The following NBPF19 variants were observed in gnomAD, a reference collection of about 807,000 sequenced individuals.
NBPF19 encodes NBPF family member NBPF19.
A neutral mutation model predicts 45.9 loss-of-function variants in NBPF19; 30 were observed. That is an observed-to-expected ratio of 0.65 (90% CI 0.49 to 0.89). NBPF19 has a LOEUF of 0.89. Among genes scored for constraint, NBPF19 ranks in the 40% least tolerant of loss-of-function variants. The pLI is 0.00. For missense variants in NBPF19, 495 were observed against 471.8 expected (o/e 1.05, Z -0.46); for synonymous variants, 183 against 181.2 (o/e 1.01, Z -0.08).
intron 8 of NBPF19, among the ~76,000 whole-genome samples, 169 bp downstream of exon 8, chr1:149,486,462 C>T (rs2085504793): frequency 6.7e-6 from 1 of 149,806 alleles, no homozygotes; most frequent in African/African-American, 2.5e-5. Context: ...GAAGCACAGG[C>T]ATGGGGTGGG....
In NBPF19 at chr1:149,487,324, A is replaced by C. The variant is rs2085594785; in HGVS notation, c.989-8A>C. ...AATGTAAGAGGGCCCATCTGAATTT[A>C]TTTGCAGGACATCGCTGGGATCAAG... On this transcript the variant is annotated splice_region_variant and splice_polypyrimidine_tract_variant and intron_variant, in intron 8 of 93. Transcript: ENST00000651566. The C allele has an allele frequency of 6.4e-7, 1 of 1,563,244 alleles. No homozygotes were observed. Among genetic ancestry groups the C allele is most frequent in the Non-Finnish European group, 8.7e-7 (1 of 1,146,794 alleles).
chr1:149,554,597 A>T lies in NBPF19; in HGVS notation c.11391A>T (p.Ser3797=), dbSNP rs1261229397. Residue 3797 remains serine, a synonymous_variant, in exon 94 of 94, where the codon TCA becomes TCT. Transcript: ENST00000651566. The part of the protein sequence containing the change: ...TPSMYFELPD[S]FQHYRSVFYS... ...CAATGTACTTTGAACTACCTGACTCATTCCAGCACTACAGAAGTGTGTTTT... is the reference window on the plus strand; with the variant it reads ...CAATGTACTTTGAACTACCTGACTCTTTCCAGCACTACAGAAGTGTGTTTT... The T allele has an allele frequency of 8.7e-6, 14 of 1,608,180 alleles. 1 individual carries two copies. Among genetic ancestry groups the T allele is most frequent in the Middle Eastern group, 2.2e-4 (1 of 4,450 alleles).
At chr1:149,487,281 G>A (rs1158123238) in intron 8 of NBPF19, 51 bp from the exon 9 acceptor site, 4 of 1,331,994 alleles carry the variant, frequency 3.0e-6, no homozygotes, top group African/African-American at 1.5e-5. Flanking sequence ...GAATGTTTCT[G>A]TGTGCAAGGA....
Position 149,491,164 on chromosome 1 carries a change from G to C in NBPF19, c.1516G>C (p.Val506Leu). Reference sequence around the variant, plus strand: ...GCTCAGCAGGGAGCTGGTGGAGGTAGTAGAGCCTGAAGTCTTGCAGGACTC... The same window carrying C: ...GCTCAGCAGGGAGCTGGTGGAGGTACTAGAGCCTGAAGTCTTGCAGGACTC... Reference protein sequence around the residue: ...PRLSRELVEVVEPEVLQDSLD... With the variant: ...PRLSRELVEVLEPEVLQDSLD... Residue 506 changes from valine to leucine, a missense_variant, in exon 14 of 94, where the codon GTA becomes CTA. Transcript: ENST00000651566. The C allele has an allele frequency of 3.6e-6, 1 of 281,192 alleles. No individual in the cohort carries two copies. Among genetic ancestry groups the C allele is most frequent in the South Asian group, 2.5e-5 (1 of 39,694 alleles). The allele number at this position is 281,192 out of a possible 1,614,324, so 17.4% of individuals were successfully genotyped here. A position where few individuals can be genotyped will look rare whatever the true frequency, so the allele number is the denominator to read the frequency against.
In NBPF19 at chr1:149,555,663, A is replaced by T. The variant is rs1386769827; in HGVS notation, c.*925A>T. ...AAAGATAATGTAGCTGCATTTCTTT[A>T]GTTATTTTGAACCCCAAATATTTCC... On this transcript the variant is annotated 3_prime_UTR_variant, in exon 94 of 94. Transcript: ENST00000651566. The T allele has an allele frequency of 9.3e-5, 14 of 150,516 alleles. No homozygotes were observed. Among genetic ancestry groups the T allele is most frequent in the Non-Finnish European group, 2.1e-4 (14 of 67,308 alleles). 9.3% of individuals were successfully genotyped at this position (150,516 alleles called of 1,614,324 possible).
intron 6 of NBPF19, among the ~76,000 whole-genome samples, chr1:149,481,481 T>TTA (rs1553709577): frequency 2.1e-3 from 287 of 134,966 alleles, no homozygotes; most frequent in African/African-American, 7.7e-3. Context: ...GGATTTTTTT[T>TTA]TTTTTTTTTT....
Position 149,487,429 on chromosome 1 carries a change from G to C in NBPF19, c.1040+46G>C, listed in dbSNP as rs1422476318. The stretch of plus-strand genomic sequence containing the variant: ...ACAGTTAATTTGATGTTGACACCTG[G>C]AGATGCCAAGTCCAGGGAAAACAGT... On this transcript the variant is annotated intron_variant, in intron 9 of 93. Transcript: ENST00000651566. 3.5e-5 allele frequency: 34 copies of C among 977,914 alleles called. 1 individual carries two copies. In the Admixed American group the frequency reaches 3.7e-4, roughly 11 times the overall value. The allele number at this position is 977,914 out of a possible 1,614,324, so 60.6% of individuals were successfully genotyped here.
intron 2 of NBPF19, among the ~76,000 whole-genome samples, chr1:149,477,159 C>T (rs1218871649): frequency 1.3e-5 from 2 of 149,456 alleles, no homozygotes; most frequent in Non-Finnish European, 1.5e-5. Context: ...CCCTCAGTTT[C>T]CTCATCTGTT....
Position 149,487,991 on chromosome 1 carries a change from T to A in NBPF19, c.1041-22T>A, listed in dbSNP as rs1391223662. 619 of 691,556 alleles carry A rather than the reference T, an allele frequency of 9.0e-4. 18 individuals carry two copies. The highest frequency in any genetic ancestry group is 4.7e-3 in the South Asian group (302 of 64,416). 42.8% of individuals were successfully genotyped at this position (691,556 alleles called of 1,614,324 possible). ...TTTCTGATTCCCCCTGGCTTATTCT[T>A]TACTTTTTCCCACTTTTCCAGGCTC... On this transcript the variant is annotated intron_variant, in intron 9 of 93. Coordinates refer to ENST00000651566, the MANE Select transcript of NBPF19 (RefSeq NM_001351365.2).
intron 61 of NBPF19, among the ~76,000 whole-genome samples, chr1:149,528,928 G>T (rs2086904647): frequency 7.8e-6 from 1 of 128,856 alleles, no homozygotes; most frequent in Non-Finnish European, 1.6e-5. Flanking sequence ...ACAATTCACT[G>T]AGCTCGTTCT....
intron 44 of NBPF19, 34 bp downstream of exon 44, chr1:149,515,142 C>G: frequency 2.1e-6 from 2 of 970,868 alleles, no homozygotes; most frequent in Non-Finnish European, 3.2e-6. Context: ...ATAAGCACCA[C>G]TGAGTCTTCC....
At chr1:149,494,073 A>C (rs1180863461) in intron 17 of NBPF19, among the ~76,000 whole-genome samples, 2 of 115,514 alleles carry the variant, frequency 1.7e-5, no homozygotes, top group Non-Finnish European at 3.4e-5. Context: ...CACCCGGCCA[A>C]CTCGCTGAGC....
rs1387483033 is a variant in NBPF19, at chr1:149,488,095, T to C, written c.1123T>C (p.Cys375Arg). 91 of 663,098 alleles carry C rather than the reference T, an allele frequency of 1.4e-4. 2 individuals are homozygous for C. The highest frequency in any genetic ancestry group is 1.2e-3 in the Middle Eastern group (3 of 2,518). The allele number at this position is 663,098 out of a possible 1,614,324, so 41.1% of individuals were successfully genotyped here. ...LDRCYSTPSGCLELTDSCQPY... is the reference protein window; with the variant it reads ...LDRCYSTPSGRLELTDSCQPY... ...TAGATGTTATTCAACTCCTTCAGGTTGTCTTGAACTGACTGACTCATGCCA... is the reference window on the plus strand; with the variant it reads ...TAGATGTTATTCAACTCCTTCAGGTCGTCTTGAACTGACTGACTCATGCCA... The change falls in exon 10 of 94, where the codon TGT becomes CGT. Residue 375 changes from cysteine (C) to arginine (R), a missense_variant. By Grantham distance (180) the Cys-to-Arg change is radical (BLOSUM62 -3). Transcript: ENST00000651566.
rs2087237391 is a variant in NBPF19 at position 149,555,784 on chromosome 1, T to C, written c.*1046T>C. The stretch of plus-strand genomic sequence containing the variant: ...CTCAATGATCTACATTCTGAAGTTG[T>C]CTGAAAATGTCTTCATGATTAAATT... On this transcript the variant is annotated 3_prime_UTR_variant, in exon 94 of 94. Coordinates refer to ENST00000651566, the MANE Select transcript of NBPF19 (RefSeq NM_001351365.2). The C allele has an allele frequency of 6.6e-6, 1 of 150,644 alleles. No homozygotes were observed. 9.3% of individuals were successfully genotyped at this position (150,644 alleles called of 1,614,324 possible).
intron 7 of NBPF19, among the ~76,000 whole-genome samples, chr1:149,483,709 C>A: frequency 9.3e-6 from 1 of 108,074 alleles, no homozygotes; most frequent in African/African-American, 3.6e-5. Context: ...TTTAGGAGCT[C>A]TTGTAAGGCA....
chr1:149,554,565 A>C lies in NBPF19; in HGVS notation c.11359A>C (p.Thr3787Pro). The stretch of plus-strand genomic sequence containing the variant: ...GGACTCACTGGATGGATGTTATTCG[A>C]CTCCGTCAATGTACTTTGAACTACC... Reference protein sequence around the residue: ...LQDSLDGCYSTPSMYFELPDS... With the variant: ...LQDSLDGCYSPPSMYFELPDS... The change falls in exon 94 of 94, where the codon ACT (threonine) becomes CCT (proline). Residue 3787 changes from threonine (T) to proline (P), a missense_variant. By Grantham distance (38) the Thr-to-Pro change is conservative. Transcript: ENST00000651566. 3.7e-6 allele frequency: 6 copies of C among 1,607,718 alleles called. No individual in the cohort carries two copies. The highest frequency in any genetic ancestry group is 5.1e-6 in the Non-Finnish European group (6 of 1,176,598).
Position 149,475,476 on chromosome 1 carries a change from G to T in NBPF19, c.-355G>T, listed in dbSNP as rs1219989026. On this transcript the variant is annotated 5_prime_UTR_variant, in exon 1 of 94. Transcript: ENST00000651566. Reference sequence around the variant, plus strand: ...ATGGGTCTGTGGCATTGTCACAAGGGTACACGAATACTGAGAGTGAATGCT... The same window carrying T: ...ATGGGTCTGTGGCATTGTCACAAGGTTACACGAATACTGAGAGTGAATGCT... Among the ~76,000 whole-genome samples, 2 of 151,108 alleles carry T rather than the reference G, an allele frequency of 1.3e-5. No individual in the cohort carries two copies. Among genetic ancestry groups the T allele is most frequent in the East Asian group, 1.9e-4 (1 of 5,166 alleles).
chr1:149,489,103 G>A, intron 11 of NBPF19, 147 bp downstream of exon 11: 1 of 6,868 alleles, frequency 1.5e-4, no homozygotes, highest in South Asian at 1.0e-3. Flanking sequence ...CATTGCAGTA[G>A]ATGTTTAGGT....
chr1:149,478,376 CTTAG>C (rs2084973252), intron 3 of NBPF19, among the ~76,000 whole-genome samples: 1 of 151,218 alleles, frequency 6.6e-6, no homozygotes, highest in African/African-American at 2.4e-5. Context: ...CCCACTTACC[CTTAG>C]TGAGAATCAC....
Sources: gnomAD v4.1 joint callset for allele counts (sites outside exome capture counted in the v4.1 genomes callset) on GRCh38, gnomAD v4.1.1 for gene constraint, MANE v1.5 for transcripts, NCBI Gene and HGNC (gene_info 2026-07-23, HGNC 2026-07-21) for gene names.